The following TTLL10 variants were observed in gnomAD, a reference collection of about 807,000 sequenced individuals.
TTLL10 encodes tubulin tyrosine ligase like 10, also known as inactive polyglycylase TTLL10.
TTLL10 carries 61 observed loss-of-function variants against 69.0 expected under a neutral mutation model. The ratio of observed to expected loss-of-function variants is 0.88; its 90% CI spans 0.72 to 1.09. The LOEUF is 1.09. Ranked by LOEUF, TTLL10 falls within the 50% of genes least tolerant of loss-of-function variation. The pLI, the probability that TTLL10 is intolerant of heterozygous loss-of-function variation, is 0.00. For missense variants in TTLL10, 962 were observed against 945.9 expected (o/e 1.02, Z -0.22); for synonymous variants, 408 against 393.3 (o/e 1.04, Z -0.44).
intron 13 of TTLL10, among the ~76,000 whole-genome samples, chr1:1,192,573 G>T (rs1647886398): frequency 6.6e-6 from 1 of 151,528 alleles, no homozygotes; most frequent in African/African-American, 2.4e-5. Context: ...AGACAATCCA[G>T]TTGATATCAG....
chr1:1,197,053 G>A (rs749733479), intron 14 of TTLL10, 40 bp from the exon 15 acceptor site: 130 of 1,541,696 alleles, frequency 8.4e-5, no homozygotes, highest in Non-Finnish European at 1.1e-4. Flanking sequence ...CTGGCCCAGT[G>A]GGCTCGGGGT....
At chr1:1,194,782 G>A (rs1285017884) in intron 13 of TTLL10, among the ~76,000 whole-genome samples, 2 of 152,142 alleles carry the variant, frequency 1.3e-5, no homozygotes, top group African/African-American at 4.8e-5. Flanking sequence ...GTGGATCTCT[G>A]AGTTTATCCT....
intron 14 of TTLL10, 60 bp downstream of exon 14, chr1:1,196,776 T>G: frequency 2.4e-6 from 3 of 1,228,338 alleles, no homozygotes; most frequent in Non-Finnish European, 3.5e-6. Context: ...GGGCCATCTG[T>G]ACACCCTGAC....
chr1:1,175,973 C>T (rs1441477360), intron 3 of TTLL10: 8 of 432,188 alleles, frequency 1.9e-5, no homozygotes, highest in African/African-American at 6.8e-5. Flanking sequence ...AAGAGGCTGA[C>T]GCTGTGCAGG....
chr1:1,197,141 G>A lies in TTLL10; in HGVS notation c.1567G>A (p.Glu523Lys), dbSNP rs886580094. 7.7e-6 allele frequency: 12 copies of A among 1,550,844 alleles called. No homozygotes were observed. Among genetic ancestry groups the A allele is most frequent in the Admixed American group, 3.9e-5 (2 of 50,964 alleles). Residue 523 changes from glutamate to lysine, a missense_variant, in exon 15 of 16, where the codon GAG (glutamate) becomes AAG (lysine). Coordinates refer to ENST00000379289, the MANE Select transcript of TTLL10 (RefSeq NM_001130045.2). ...TAACCCAGCCCTGCACACCAACTGC[G>A]AGGTCCTGAAGGAGGTCATCCCAGG... ...NSNPALHTNC[E>K]VLKEVIPGVV... is the part of the protein sequence containing the mutation.
At chr1:1,177,060 CTGTGTGTGTGTGTGGGTGTCTG>C (rs892147781) in intron 3 of TTLL10, among the ~76,000 whole-genome samples, 1 of 143,686 alleles carries the variant, frequency 7.0e-6, no homozygotes, top group African/African-American at 2.8e-5. Context: ...GTGTGGGTGT[CTGTGTGTGTGTGTGGGTGTCTG>C]TGTGTGTGTC....
Position 1,180,537 on chromosome 1 carries a change from G to C in TTLL10, c.561G>C (p.Arg187=). Residue 187 remains arginine, a synonymous_variant, in exon 7 of 16, where the codon CGG becomes CGC. Transcript: ENST00000379289. ...GGCAGCGCATCCATGACAGCCGCCGGGACGACTACACGCTGAAGTGGTGTG... is the reference window on the plus strand; with the variant it reads ...GGCAGCGCATCCATGACAGCCGCCGCGACGACTACACGCTGAAGTGGTGTG... ...KGWQRIHDSR[R]DDYTLKWCEV... The C allele has an allele frequency of 6.4e-7, 1 of 1,553,286 alleles. No homozygotes were observed. Among genetic ancestry groups the C allele is most frequent in the Non-Finnish European group, 8.7e-7 (1 of 1,148,068 alleles).
chr1:1,181,649 C>T lies in TTLL10; in HGVS notation c.756-92C>T. 8.2e-7 allele frequency: 1 copy of T among 1,222,568 alleles called. No individual in the cohort carries two copies. The highest frequency in any genetic ancestry group is 1.1e-6 in the Non-Finnish European group (1 of 871,314). 75.7% of individuals were successfully genotyped at this position (1,222,568 alleles called of 1,614,324 possible). A position where few individuals can be genotyped will look rare whatever the true frequency, so the allele number is the denominator to read the frequency against. The stretch of plus-strand genomic sequence containing the variant: ...TCCACCACAACTCACAGTCCGCCCA[C>T]TCACCACCCATGCCCCATCCCCCAG... On this transcript the variant is annotated intron_variant, in intron 8 of 15. Coordinates refer to ENST00000379289, the MANE Select transcript of TTLL10 (RefSeq NM_001130045.2). This position sits in a 1 kb window ranked among gnomAD's most constrained non-coding sequence, Gnocchi z 4.6.
intron 3 of TTLL10, chr1:1,176,227 CA>C (rs1646867977): frequency 2.3e-6 from 1 of 444,206 alleles, no homozygotes; most frequent in Non-Finnish European, 4.5e-6. Context: ...AGCCGCTGTG[CA>C]GGTGGAGAGA....
chr1:1,186,572 C>G (rs370957920), intron 13 of TTLL10, among the ~76,000 whole-genome samples: 7 of 152,266 alleles, frequency 4.6e-5, no homozygotes, highest in African/African-American at 1.7e-4. Flanking sequence ...AGTCGTGGGT[C>G]ACAGGGTGAC....
chr1:1,175,611 G>C (rs60024177), intron 3 of TTLL10: 46,320 of 430,758 alleles, frequency 0.11, 2,972 homozygotes, highest in African/African-American at 0.22. Context: ...TCTGCCTCCC[G>C]TCACCCCCAC....
Position 1,181,047 on chromosome 1 carries a change from T to C in TTLL10, c.755+187T>C, listed in dbSNP as rs1325881642. 2.2e-5 allele frequency among the ~76,000 whole-genome samples: 2 copies of C among 91,880 alleles called. No homozygotes were observed. Among genetic ancestry groups the C allele is most frequent in the Non-Finnish European group, 4.4e-5 (2 of 45,920 alleles). 60.3% of individuals were successfully genotyped at this position (91,880 alleles called of 152,430 possible). A position where few individuals can be genotyped will look rare whatever the true frequency, so the allele number is the denominator to read the frequency against. On this transcript the variant is annotated intron_variant, in intron 8 of 15. Transcript: ENST00000379289. The surrounding 1 kb of genome is among the most constrained non-coding windows in gnomAD (Gnocchi z 4.6). ...GCCCTTGCCCCTGCCCCTGGCCACC[T>C]GGGCTCCCAGGCTGGCCCCAGCCCC... is the stretch of plus-strand genomic sequence containing the variant.
chr1:1,175,579 A>G, intron 3 of TTLL10: 2 of 409,680 alleles, frequency 4.9e-6, no homozygotes, highest in South Asian at 3.6e-5. Context: ...GTTCCCGCCT[A>G]TCCTGAGCTG....
chr1:1,181,721 C>G lies in TTLL10; in HGVS notation c.756-20C>G. 6.3e-7 allele frequency: 1 copy of G among 1,578,436 alleles called. No homozygotes were observed. Among genetic ancestry groups the G allele is most frequent in the South Asian group, 1.2e-5 (1 of 85,926 alleles). ...ATGAGCTGGCCCCTCAGTCCAGGCC[C>G]TCTGTCCCCTGGGCTGCAGGCTGGA... On this transcript the variant is annotated intron_variant, in intron 8 of 15. Coordinates refer to ENST00000379289, the MANE Select transcript of TTLL10 (RefSeq NM_001130045.2). This position sits in a 1 kb window ranked among gnomAD's most constrained non-coding sequence, Gnocchi z 4.6.
At chr1:1,182,332 G>T in intron 9 of TTLL10, 29 bp from the exon 10 acceptor site, 2 of 1,603,538 alleles carry the variant, frequency 1.2e-6, no homozygotes, top group Non-Finnish European at 1.7e-6. Flanking sequence ...AGGGACAGCA[G>T]CTCATCCTCC....
chr1:1,181,521 G>T lies in TTLL10; in HGVS notation c.756-220G>T, dbSNP rs1247709987. Among the ~76,000 whole-genome samples the T allele has an allele frequency of 6.6e-6, 1 of 152,112 alleles. No homozygotes were observed. The highest frequency in any genetic ancestry group is 1.9e-4 in the East Asian group (1 of 5,174). On this transcript the variant is annotated intron_variant, in intron 8 of 15. Transcript: ENST00000379289. This position sits in a 1 kb window ranked among gnomAD's most constrained non-coding sequence, Gnocchi z 4.6. ...GCCTCCATCTGCACCCCCCGCCCCT[G>T]GTTGCCTGTGACACCAGCTTTACAC...
At chr1:1,196,479 G>A (rs1461419671) in intron 13 of TTLL10, 121 bp from the exon 14 acceptor site, 4 of 716,258 alleles carry the variant, frequency 5.6e-6, no homozygotes, top group Non-Finnish European at 7.4e-6. Flanking sequence ...GGGCAGGTGT[G>A]GCTGTACAGG....
chr1:1,176,083 G>A, intron 3 of TTLL10: 1 of 442,812 alleles, frequency 2.3e-6, no homozygotes, highest in Non-Finnish European at 4.5e-6. Flanking sequence ...GGCTGCCGCT[G>A]TGCAGGTGGA....
chr1:1,189,434 A>G (rs1402746367), intron 13 of TTLL10, among the ~76,000 whole-genome samples: 2 of 152,218 alleles, frequency 1.3e-5, no homozygotes, highest in Non-Finnish European at 2.9e-5. Flanking sequence ...TCATATGACA[A>G]ACCCCGCTTG....
Sources: allele counts gnomAD v4.1 joint callset (sites outside exome capture counted in the v4.1 genomes callset), GRCh38; gene constraint gnomAD v4.1.1; non-coding constraint Gnocchi (gnomAD v3.1); transcripts MANE v1.5; gene names NCBI Gene and HGNC (gene_info 2026-07-23, HGNC 2026-07-21).